UXS1: variants seen among roughly 807,000 people sequenced by gnomAD.
UXS1 encodes UDP-glucuronic acid decarboxylase 1.
UXS1 carries 33 observed loss-of-function variants against 62.6 expected under a neutral mutation model. That is an observed-to-expected ratio of 0.53 (90% CI 0.40 to 0.70). The LOEUF (loss-of-function observed/expected upper bound fraction) is 0.70, where lower values mean the gene tolerates loss of function less well. UXS1 is among the 30% of genes least tolerant of loss of function. The pLI is 0.00. For missense variants in UXS1, 434 were observed against 556.3 expected (o/e 0.78, Z 2.21); for synonymous variants, 213 against 206.8 (o/e 1.03, Z -0.26).
intron 7 of UXS1, among the ~76,000 whole-genome samples, chr2:106,129,355 G>T (rs1383525986): frequency 6.6e-6 from 1 of 152,198 alleles, no homozygotes; most frequent in Non-Finnish European, 1.5e-5. Context: ...TTTCAGAGGA[G>T]GGGAGGGGGG....
At chr2:106,184,061 G>A (rs1011834357) in intron 1 of UXS1, among the ~76,000 whole-genome samples, 10 of 152,184 alleles carry the variant, frequency 6.6e-5, no homozygotes, top group Non-Finnish European at 1.0e-4. Flanking sequence ...GCGTGGTGGC[G>A]CACGCTTGTG....
At chr2:106,117,001 GA>G (rs1679110801) in intron 9 of UXS1, among the ~76,000 whole-genome samples, 1 of 151,978 alleles carries the variant, frequency 6.6e-6, no homozygotes, top group Admixed American at 6.6e-5. Flanking sequence ...ATACTGATGA[GA>G]AAAAAAATCA....
rs1424835624 is a variant in UXS1, at chr2:106,131,241, G to C, written c.473-1463C>G. 6.0e-5 allele frequency among the ~76,000 whole-genome samples: 9 copies of C among 149,278 alleles called. No homozygotes were observed. The South Asian group carries it at 2.0e-3, about 34-fold the overall frequency. On this transcript the variant is annotated intron_variant, in intron 6 of 14. Transcript: ENST00000283148. ...ACCACGAGACTATATCCCACACCTG[G>C]CTGAGAGGGTCCTACGCCCATGGAA...
At chr2:106,186,029 G>C (rs13430320) in intron 1 of UXS1, among the ~76,000 whole-genome samples, 1 of 152,074 alleles carries the variant, frequency 6.6e-6, no homozygotes, top group Admixed American at 6.5e-5. Flanking sequence ...AGTGAGAGAA[G>C]AAAAAGGGAG....
At chr2:106,096,311 T>C (rs984358419) in intron 14 of UXS1, among the ~76,000 whole-genome samples, 3 of 151,694 alleles carry the variant, frequency 2.0e-5, no homozygotes, top group African/African-American at 7.3e-5. Context: ...TGTATATGTA[T>C]GTGTGAAAAT....
chr2:106,104,893 G>A, intron 10 of UXS1, 56 bp from the exon 11 acceptor site: 1 of 1,610,346 alleles, frequency 6.2e-7, no homozygotes. Context: ...TCCTGCGTAG[G>A]TGTCCTTGAA....
intron 9 of UXS1, among the ~76,000 whole-genome samples, chr2:106,118,931 T>A (rs1378657326): frequency 6.6e-6 from 1 of 152,226 alleles, no homozygotes; most frequent in African/African-American, 2.4e-5. Context: ...AAGGAATTAA[T>A]TAAAGTTGTT....
At chr2:106,136,981 A>AG (rs1367660487) in intron 6 of UXS1, among the ~76,000 whole-genome samples, 5 of 148,628 alleles carry the variant, frequency 3.4e-5, no homozygotes, top group African/African-American at 1.2e-4. Context: ...AAAAAAAAAA[A>AG]AAAAAGAAAG....
At chr2:106,119,613 C>T (rs945888322) in intron 9 of UXS1, among the ~76,000 whole-genome samples, 46 of 152,212 alleles carry the variant, frequency 3.0e-4, no homozygotes, top group Admixed American at 3.3e-4. Flanking sequence ...AAAGGCACAA[C>T]ATCCTGCAGG....
intron 1 of UXS1, among the ~76,000 whole-genome samples, chr2:106,174,893 T>G (rs1683785208): frequency 1.3e-5 from 2 of 152,212 alleles, no homozygotes; most frequent in African/African-American, 4.8e-5. Flanking sequence ...AAGTTAGGCC[T>G]CAGTCCAAGG....
chr2:106,166,977 A>G (rs1418604916), intron 1 of UXS1, among the ~76,000 whole-genome samples: 1 of 152,206 alleles, frequency 6.6e-6, no homozygotes, highest in African/African-American at 2.4e-5. Flanking sequence ...CAGAGAGGTT[A>G]AACAGTGGCC....
chr2:106,190,120 A>C (rs192753672), intron 1 of UXS1, among the ~76,000 whole-genome samples: 1 of 152,218 alleles, frequency 6.6e-6, no homozygotes, highest in Non-Finnish European at 1.5e-5. Context: ...CAACTGGCAA[A>C]GAGTTTGGAG....
At chr2:106,126,035 C>T (rs890356239) in intron 7 of UXS1, among the ~76,000 whole-genome samples, 1 of 152,080 alleles carries the variant, frequency 6.6e-6, no homozygotes, top group Non-Finnish European at 1.5e-5. Flanking sequence ...AAGGCAAGGC[C>T]CTTTTCTCCT....
chr2:106,112,839 C>A, intron 9 of UXS1, 74 bp from the exon 10 acceptor site: 1 of 1,538,366 alleles, frequency 6.5e-7, no homozygotes, highest in East Asian at 2.4e-5. Context: ...TTTCCAGTGC[C>A]CTGCATGCAA....
intron 12 of UXS1, among the ~76,000 whole-genome samples, chr2:106,099,300 G>GT (rs1471178597): frequency 6.6e-6 from 1 of 152,156 alleles, no homozygotes; most frequent in Non-Finnish European, 1.5e-5. Flanking sequence ...GAATACTTGT[G>GT]TGGGGGCTTT....
At chr2:106,155,271 C>T (rs760702500) in intron 5 of UXS1, among the ~76,000 whole-genome samples, 4 of 152,076 alleles carry the variant, frequency 2.6e-5, no homozygotes, top group Admixed American at 6.6e-5. Flanking sequence ...ATCTTATATA[C>T]GACCAAAAAT....
At position 106,094,985 on chromosome 2, in the gene UXS1, A is replaced by G. The variant is rs142069601; in HGVS notation, c.1147-828T>C. ...CTGTTAAACACACACACTTGGGACA[A>G]TTAAGATGGATAATGCCTGTAAGTT... On this transcript the variant is annotated intron_variant, in intron 14 of 14. Transcript: ENST00000283148. 9.2e-3 allele frequency among the ~76,000 whole-genome samples: 1,408 copies of G among 152,348 alleles called. 26 individuals carry two copies. The highest frequency in any genetic ancestry group is 0.032 in the African/African-American group (1,326 of 41,586).
At chr2:106,101,700 C>G (rs963074805) in intron 11 of UXS1, 4 of 152,362 alleles carry the variant, frequency 2.6e-5, no homozygotes, top group African/African-American at 7.2e-5. Context: ...CGCCACCCCC[C>G]AAAACACCTC....
chr2:106,097,463 TG>T (rs1677215548), intron 13 of UXS1: 6 of 343,674 alleles, frequency 1.7e-5, no homozygotes, highest in Non-Finnish European at 3.5e-5. Flanking sequence ...GAGGCCACAT[TG>T]CAGACTCTGC....
Sources: gnomAD v4.1 joint callset for allele counts (sites outside exome capture counted in the v4.1 genomes callset) on GRCh38, gnomAD v4.1.1 for gene constraint, MANE v1.5 for transcripts, NCBI Gene and HGNC (gene_info 2026-07-23, HGNC 2026-07-21) for gene names.